SH3D19: variants seen among roughly 807,000 people sequenced by gnomAD.
The protein encoded by SH3D19 is SH3 domain containing 19.
A neutral mutation model predicts 112.1 loss-of-function variants in SH3D19; 58 were observed. The ratio of observed to expected loss-of-function variants is 0.52; its 90% confidence interval spans 0.42 to 0.64. SH3D19 has a LOEUF of 0.64. Among genes scored for constraint, SH3D19 ranks in the 30% least tolerant of loss-of-function variants. SH3D19 has a pLI of 0.00. For synonymous variants in SH3D19, 391 were observed against 448.5 expected, an observed-to-expected ratio of 0.87 and a Z score of 1.62; for missense variants, 1,090 against 1,263.4, an observed-to-expected ratio of 0.86 and a Z score of 2.08.
At chr4:151,245,748 C>T (rs533078131) in intron 1 of SH3D19, among the ~76,000 whole-genome samples, 6 of 152,220 alleles carry the variant, frequency 3.9e-5, no homozygotes, top group East Asian at 1.9e-4. Flanking sequence ...ATTACAGGCA[C>T]GCGCCACCAT....
intron 1 of SH3D19, among the ~76,000 whole-genome samples, chr4:151,271,057 G>A (rs1030009790): frequency 2.0e-5 from 3 of 152,020 alleles, no homozygotes; most frequent in African/African-American, 7.3e-5. Flanking sequence ...CTGAGTAACT[G>A]GGACTACAAA....
chr4:151,227,912 C>T (rs1193236025), intron 1 of SH3D19: 2 of 985,246 alleles, frequency 2.0e-6, no homozygotes, highest in East Asian at 1.1e-4. Context: ...AACAGAGTCA[C>T]GATGCATGTA....
chr4:151,213,946 T>C lies in SH3D19; in HGVS notation c.152+12101A>G, dbSNP rs1477555883. On this transcript the variant is annotated intron_variant, in intron 2 of 19. Transcript: ENST00000604030. Reference sequence around the variant, plus strand: ...ATTTGGCAGGGTCATAGGACAATAGTGGAGGGAAGGTCAGCAGATAAACAA... The same window carrying C: ...ATTTGGCAGGGTCATAGGACAATAGCGGAGGGAAGGTCAGCAGATAAACAA... Among the ~76,000 whole-genome samples the C allele has an allele frequency of 2.7e-5, 4 of 150,706 alleles. No homozygotes were observed. In the East Asian group the frequency reaches 7.9e-4, roughly 30 times the overall value.
chr4:151,122,402 C>T (rs536005086), intron 19 of SH3D19, among the ~76,000 whole-genome samples, 195 bp from the exon 20 acceptor site: 1 of 152,216 alleles, frequency 6.6e-6, no homozygotes, highest in African/African-American at 2.4e-5. Context: ...AATCTCATTC[C>T]TTTGCCACTG....
chr4:151,213,680 A>AT (rs1447112947), intron 2 of SH3D19, among the ~76,000 whole-genome samples: 34 of 148,772 alleles, frequency 2.3e-4, no homozygotes, highest in African/African-American at 7.2e-4. Context: ...TAATTAATTA[A>AT]TTAATTAATT....
chr4:151,296,210 G>T (rs1351896395), intron 1 of SH3D19, among the ~76,000 whole-genome samples: 2 of 152,124 alleles, frequency 1.3e-5, no homozygotes, highest in South Asian at 2.1e-4. Flanking sequence ...CCTGCTTCAA[G>T]TATACAAATA....
At chr4:151,291,178 G>A (rs749225781) in intron 1 of SH3D19, 42 of 1,613,846 alleles carry the variant, frequency 2.6e-5, no homozygotes, top group Non-Finnish European at 3.2e-5. Flanking sequence ...GACAGGAGTA[G>A]TAAGCTGGGG....
chr4:151,184,616 G>A (rs1432353101), intron 3 of SH3D19, among the ~76,000 whole-genome samples: 6 of 151,804 alleles, frequency 4.0e-5, no homozygotes, highest in South Asian at 4.2e-4. Flanking sequence ...CTGTTTCACC[G>A]TTTTCTCTTC....
In SH3D19 at chr4:151,174,872, G is replaced by A. The variant is rs374945010; in HGVS notation, c.1332C>T (p.Val444=). 3.7e-5 allele frequency: 60 copies of A among 1,608,874 alleles called. No homozygotes were observed. Among genetic ancestry groups the A allele is most frequent in the Non-Finnish European group, 5.1e-5 (60 of 1,177,236 alleles). ...CCCCTGCGAGTCGGGGAGGAACAGTGACAGGTTTCAGTGGAGCTGAAGGGT... is the reference window on the plus strand; with the variant it reads ...CCCCTGCGAGTCGGGGAGGAACAGTAACAGGTTTCAGTGGAGCTGAAGGGT... ...PTYPSAPLKP[V]TVPPRLAGAS... is the part of the protein sequence containing the mutation. The change falls in exon 7 of 20, where the codon GTC becomes GTT. Residue 444 remains valine, a synonymous_variant. Coordinates refer to ENST00000604030, the MANE Select transcript of SH3D19 (RefSeq NM_001378122.1).
At chr4:151,169,599 A>T (rs761265384) in intron 7 of SH3D19, among the ~76,000 whole-genome samples, 1 of 152,112 alleles carries the variant, frequency 6.6e-6, no homozygotes, top group Non-Finnish European at 1.5e-5. Context: ...GTCTTTTCCT[A>T]AGAGGGCTAT....
In SH3D19 at chr4:151,137,876, T is replaced by C. The variant is rs1202960542; in HGVS notation, c.2297-14A>G. 1 of 1,582,896 alleles carries C rather than the reference T, an allele frequency of 6.3e-7. No individual in the cohort carries two copies. Among genetic ancestry groups the C allele is most frequent in the East Asian group, 2.3e-5 (1 of 44,068 alleles). On this transcript the variant is annotated splice_polypyrimidine_tract_variant and intron_variant, in intron 13 of 19. Transcript: ENST00000604030. ...CATCAACTTGCTCTGTAATATAAAA[T>C]TATAGTTATGTATGATGAATCATCC... is the stretch of plus-strand genomic sequence containing the variant.
chr4:151,135,187 T>C, intron 14 of SH3D19, 55 bp from the exon 15 acceptor site: 5 of 1,432,370 alleles, frequency 3.5e-6, no homozygotes, highest in Non-Finnish European at 4.8e-6. Flanking sequence ...TTTCATAAGA[T>C]AAATTTAAGG....
At chr4:151,197,551 C>A (rs1763661978) in intron 2 of SH3D19, among the ~76,000 whole-genome samples, 1 of 152,172 alleles carries the variant, frequency 6.6e-6, no homozygotes, top group African/African-American at 2.4e-5. Context: ...TTGGGAAGAG[C>A]CTTAACCTCA....
In SH3D19 at chr4:151,310,824, G is replaced by A. The variant is rs528569698; in HGVS notation, c.112+14417C>T. On this transcript the variant is annotated intron_variant, in intron 1 of 19. Coordinates refer to ENST00000604030, the MANE Select transcript of SH3D19 (RefSeq NM_001378122.1). ...TGACCTTAAGCGATCCACCCACCTC[G>A]GCCTCCCAAAAGTGCTGGGATTACA... is the stretch of plus-strand genomic sequence containing the variant. Among the ~76,000 whole-genome samples the A allele has an allele frequency of 1.2e-4, 18 of 151,120 alleles. 1 individual carries two copies. The highest frequency in any genetic ancestry group is 3.1e-4 in the African/African-American group (13 of 41,282).
At chr4:151,271,689 G>A (rs1773236568) in intron 1 of SH3D19, among the ~76,000 whole-genome samples, 1 of 152,170 alleles carries the variant, frequency 6.6e-6, no homozygotes, top group South Asian at 2.1e-4. Flanking sequence ...CCATCACCAA[G>A]ATAAACTGTT....
chr4:151,311,423 C>T (rs1413701073), intron 1 of SH3D19, among the ~76,000 whole-genome samples: 1 of 151,958 alleles, frequency 6.6e-6, no homozygotes, highest in Non-Finnish European at 1.5e-5. Context: ...GGAAATCCTG[C>T]CACTTGCGAC....
chr4:151,250,512 A>AAG (rs140133617), intron 1 of SH3D19, among the ~76,000 whole-genome samples: 14 of 131,338 alleles, frequency 1.1e-4, no homozygotes, highest in South Asian at 9.1e-4. Flanking sequence ...CAAGACAAGA[A>AAG]AGAGAGAGAG....
intron 1 of SH3D19, among the ~76,000 whole-genome samples, chr4:151,234,735 G>GTTTGT (rs1561387745): frequency 1.2e-4 from 3 of 25,078 alleles, no homozygotes; most frequent in African/African-American, 1.8e-4. Context: ...CCAAGTTTGT[G>GTTTGT]TTTTTTTTTT....
chr4:151,318,466 A>C (rs903404168), intron 1 of SH3D19, among the ~76,000 whole-genome samples: 2 of 152,188 alleles, frequency 1.3e-5, no homozygotes, highest in African/African-American at 4.8e-5. Context: ...GAGATACATG[A>C]ATGCCAAAGA....
Sources: allele counts gnomAD v4.1 joint callset (sites outside exome capture counted in the v4.1 genomes callset), GRCh38; gene constraint gnomAD v4.1.1; transcripts MANE v1.5; gene names NCBI Gene and HGNC (gene_info 2026-07-23, HGNC 2026-07-21).